FOXP2: variants seen among roughly 807,000 people sequenced by gnomAD.
FOXP2 encodes the protein forkhead box protein P2.
A neutral mutation model predicts 115.8 loss-of-function variants in FOXP2; 12 were observed. The observed-to-expected ratio is 0.10, with a 90% CI of 0.07 to 0.17. The LOEUF (loss-of-function observed/expected upper bound fraction) is 0.17. Ranked by LOEUF, FOXP2 falls within the 10% of genes least tolerant of loss-of-function variation. FOXP2 has a pLI of 1.00. For missense variants in FOXP2, 629 were observed against 843.5 expected (o/e 0.75, Z 3.15); for synonymous variants, 328 against 297.7 (o/e 1.10, Z -1.05).
intron 1 of FOXP2, among the ~76,000 whole-genome samples, chr7:114,101,713 C>T (rs1416841645): frequency 6.6e-6 from 1 of 151,856 alleles, no homozygotes; most frequent in Non-Finnish European, 1.5e-5. Flanking sequence ...TGTCTGTTTT[C>T]CTCTATTTTG....
intron 2 of FOXP2, among the ~76,000 whole-genome samples, chr7:114,393,099 A>G (rs1792645858): frequency 6.6e-6 from 1 of 152,202 alleles, no homozygotes; most frequent in Non-Finnish European, 1.5e-5. Context: ...GTTGAGACAT[A>G]CACAAAAAGT....
intron 3 of FOXP2, among the ~76,000 whole-genome samples, chr7:114,627,626 CCTTA>C (rs1247553769): frequency 6.6e-6 from 1 of 152,012 alleles, no homozygotes; most frequent in Non-Finnish European, 1.5e-5. Context: ...TCTACGTTTT[CCTTA>C]CTTCCTTCCT....
At chr7:114,463,677 A>G (rs1795679225) in intron 2 of FOXP2, among the ~76,000 whole-genome samples, 1 of 152,202 alleles carries the variant, frequency 6.6e-6, no homozygotes, top group Non-Finnish European at 1.5e-5. Flanking sequence ...GCAAATCAAC[A>G]TATTTAATAC....
chr7:114,492,927 T>A (rs1176209638), intron 2 of FOXP2, among the ~76,000 whole-genome samples: 4 of 152,200 alleles, frequency 2.6e-5, no homozygotes, highest in African/African-American at 9.6e-5. Context: ...GTCTATTAAG[T>A]CCGCTTGGTG....
chr7:114,292,672 G>A (rs1251426670), intron 2 of FOXP2, among the ~76,000 whole-genome samples: 2 of 151,694 alleles, frequency 1.3e-5, no homozygotes, highest in Non-Finnish European at 2.9e-5. Context: ...TTTTTAGCTA[G>A]CCTAGGACTT....
At chr7:114,504,706 A>G (rs975293625) in intron 2 of FOXP2, among the ~76,000 whole-genome samples, 9 of 151,632 alleles carry the variant, frequency 5.9e-5, no homozygotes, top group Non-Finnish European at 8.9e-5. Flanking sequence ...AACTAAGCAA[A>G]TTATGCACAT....
chr7:114,652,602 T>C (rs1304126503), intron 9 of FOXP2, among the ~76,000 whole-genome samples: 1 of 152,144 alleles, frequency 6.6e-6, no homozygotes, highest in Non-Finnish European at 1.5e-5. Context: ...CAATTAGATA[T>C]GATTTTATTA....
At chr7:114,229,931 TA>T (rs944758207) in intron 1 of FOXP2, among the ~76,000 whole-genome samples, 1 of 151,528 alleles carries the variant, frequency 6.6e-6, no homozygotes, top group Admixed American at 6.6e-5. Context: ...AAAAGCAATT[TA>T]AAAAAATCAA....
At chr7:114,097,271 A>G (rs1799673052) in intron 1 of FOXP2, among the ~76,000 whole-genome samples, 1 of 152,222 alleles carries the variant, frequency 6.6e-6, no homozygotes, top group African/African-American at 2.4e-5. Context: ...ATTTCTTCAT[A>G]GGGATTTTAT....
intron 1 of FOXP2, among the ~76,000 whole-genome samples, chr7:114,253,972 T>C (rs1299353464): frequency 6.6e-6 from 1 of 152,222 alleles, no homozygotes; most frequent in Non-Finnish European, 1.5e-5. Flanking sequence ...TCAGGAGCCC[T>C]TGTAGGGCAG....
chr7:114,653,881 A>G, intron 9 of FOXP2, 45 bp from the exon 10 acceptor site: 2 of 1,549,548 alleles, frequency 1.3e-6, no homozygotes, highest in Non-Finnish European at 1.8e-6. Context: ...AAATAGCTGT[A>G]TCAGTCATTT....
intron 2 of FOXP2, among the ~76,000 whole-genome samples, chr7:114,380,085 T>C (rs1792249162): frequency 6.6e-6 from 1 of 152,158 alleles, no homozygotes; most frequent in African/African-American, 2.4e-5. Context: ...TCATTTGGCT[T>C]CAATACCCGC....
chr7:114,560,385 C>A (rs1271691063), intron 3 of FOXP2, among the ~76,000 whole-genome samples: 1 of 151,994 alleles, frequency 6.6e-6, no homozygotes, highest in South Asian at 2.1e-4. Flanking sequence ...GCGGGTGGAT[C>A]CCCTGAGGCC....
intron 3 of FOXP2, among the ~76,000 whole-genome samples, chr7:114,566,138 A>G (rs923942922): frequency 1.3e-5 from 2 of 152,184 alleles, no homozygotes; most frequent in Admixed American, 1.3e-4. Flanking sequence ...AGCAAACACA[A>G]CAAAACAGTT....
At chr7:114,684,186 C>A (rs188315828) in intron 16 of FOXP2, among the ~76,000 whole-genome samples, 1 of 152,090 alleles carries the variant, frequency 6.6e-6, no homozygotes, top group Non-Finnish European at 1.5e-5. Flanking sequence ...TTTGTTATTC[C>A]TCTTTATCAA....
intron 3 of FOXP2, among the ~76,000 whole-genome samples, chr7:114,602,980 A>G (rs761669900): frequency 1.1e-4 from 16 of 152,186 alleles, no homozygotes; most frequent in Admixed American, 9.2e-4. Context: ...ATAACACAAA[A>G]ACGTTATGTT....
chr7:114,369,138 ACAATATAG>A (rs1057333368), intron 2 of FOXP2, among the ~76,000 whole-genome samples: 54 of 152,316 alleles, frequency 3.5e-4, no homozygotes, highest in Middle Eastern at 3.4e-3. Flanking sequence ...TGGATTCTTC[ACAATATAG>A]CAATAAGTGT....
At chr7:114,450,284 T>G (rs1184917824) in intron 2 of FOXP2, among the ~76,000 whole-genome samples, 4 of 152,082 alleles carry the variant, frequency 2.6e-5, no homozygotes, top group Admixed American at 2.6e-4. Flanking sequence ...AGATGCCTGA[T>G]GTGGAGGATT....
At chr7:114,145,500 C>A (rs866699892) in intron 1 of FOXP2, among the ~76,000 whole-genome samples, 1 of 30,800 alleles carries the variant, frequency 3.2e-5, no homozygotes, top group South Asian at 7.2e-4. Context: ...TCTTTTCTTT[C>A]CTTTTGAGAT....
Sources: gnomAD v4.1 joint callset for allele counts (sites outside exome capture counted in the v4.1 genomes callset) on GRCh38, gnomAD v4.1.1 for gene constraint, MANE v1.5 for transcripts, NCBI Gene and HGNC (gene_info 2026-07-23, HGNC 2026-07-21) for gene names.